The following SESN3 variants were observed in gnomAD, a reference collection of about 807,000 sequenced individuals.
The protein encoded by SESN3 is sestrin-3.
A neutral mutation model predicts 55.3 loss-of-function variants in SESN3; 21 were observed. The ratio of observed to expected loss-of-function variants is 0.38; its 90% CI spans 0.27 to 0.55. The LOEUF is 0.55. SESN3 is among the 20% of genes least tolerant of loss of function. The pLI, the probability that SESN3 is intolerant of heterozygous loss-of-function variation, is 0.76. For missense variants in SESN3, 408 were observed against 604.3 expected (o/e 0.68, Z 3.41); for synonymous variants, 181 against 203.1 (o/e 0.89, Z 0.93).
chr11:95,167,151 G>A lies in SESN3; in HGVS notation c.*6104C>T, dbSNP rs182595517. 8 of 152,216 alleles carry A rather than the reference G, an allele frequency of 5.3e-5. No individual in the cohort carries two copies. Among genetic ancestry groups the A allele is most frequent in the Admixed American group, 5.2e-4 (8 of 15,294 alleles). 9.4% of individuals were successfully genotyped at this position (152,216 alleles called of 1,614,324 possible). On this transcript the variant is annotated 3_prime_UTR_variant, in exon 10 of 10. Coordinates refer to ENST00000536441, the MANE Select transcript of SESN3 (RefSeq NM_144665.4). ...AGTTTTATTCTGTAAGTTTCATAAT[G>A]TATGCACTTAACTAATCAGGATTTG...
At chr11:95,176,863 C>A (rs1005105875) in intron 8 of SESN3, among the ~76,000 whole-genome samples, 3 of 152,048 alleles carry the variant, frequency 2.0e-5, no homozygotes, top group African/African-American at 7.2e-5. Context: ...CATTGTCTAG[C>A]ATGGTAAATG....
intron 1 of SESN3, among the ~76,000 whole-genome samples, chr11:95,200,328 C>T (rs568832752): frequency 1.3e-5 from 2 of 152,040 alleles, no homozygotes; most frequent in Non-Finnish European, 2.9e-5. Context: ...ATTCAGTTCC[C>T]ACTATCTCTA....
intron 1 of SESN3, among the ~76,000 whole-genome samples, chr11:95,205,197 G>A (rs953181827): frequency 1.3e-5 from 2 of 152,176 alleles, no homozygotes; most frequent in Non-Finnish European, 2.9e-5. Context: ...CAGGGAATAA[G>A]GCTAGAGACA....
chr11:95,197,519 A>C (rs1860384575), intron 1 of SESN3, among the ~76,000 whole-genome samples: 1 of 150,058 alleles, frequency 6.7e-6, no homozygotes, highest in Non-Finnish European at 1.5e-5. Flanking sequence ...ATCTCAGCTC[A>C]CTGCAACCTC....
At chr11:95,194,313 A>G (rs993749202) in intron 1 of SESN3, among the ~76,000 whole-genome samples, 4 of 152,022 alleles carry the variant, frequency 2.6e-5, no homozygotes, top group Non-Finnish European at 4.4e-5. Context: ...GGTCCTTACA[A>G]TCAAACAGCC....
intron 4 of SESN3, among the ~76,000 whole-genome samples, chr11:95,186,910 G>C (rs182584487): frequency 1.3e-4 from 20 of 151,508 alleles, no homozygotes; most frequent in African/African-American, 4.8e-4. Context: ...TATACTAAAT[G>C]GTTGCAATAT....
chr11:95,187,230 T>A (rs1315900845), intron 4 of SESN3, among the ~76,000 whole-genome samples: 1 of 151,930 alleles, frequency 6.6e-6, no homozygotes, highest in Non-Finnish European at 1.5e-5. Context: ...CATTTCCTAA[T>A]AGGATTTTTA....
intron 1 of SESN3, among the ~76,000 whole-genome samples, chr11:95,211,218 CGTT>C (rs1049395069): frequency 1.3e-5 from 2 of 152,216 alleles, no homozygotes; most frequent in Non-Finnish European, 2.9e-5. Context: ...CACTGCCCCT[CGTT>C]GTTCATTCTG....
intron 1 of SESN3, among the ~76,000 whole-genome samples, chr11:95,202,169 C>T (rs542264761): frequency 1.3e-5 from 2 of 152,130 alleles, no homozygotes; most frequent in Admixed American, 6.6e-5. Context: ...AGACTATAAG[C>T]TCCTTAAAGA....
At chr11:95,210,017 CAAAAA>C (rs71036380) in intron 1 of SESN3, among the ~76,000 whole-genome samples, 1 of 60,186 alleles carries the variant, frequency 1.7e-5, no homozygotes, top group Non-Finnish European at 3.0e-5. Flanking sequence ...AACTCCATCT[CAAAAA>C]AAAAAAAAAA....
intron 2 of SESN3, among the ~76,000 whole-genome samples, chr11:95,191,924 A>T (rs1644348988): frequency 6.6e-6 from 1 of 152,082 alleles, no homozygotes; most frequent in South Asian, 2.1e-4. Context: ...GGCCATTGTC[A>T]CACCAATGTG....
At position 95,168,564 on chromosome 11, in the gene SESN3, G is replaced by C. The variant is rs1032156545; in HGVS notation, c.*4691C>G. 1 of 152,186 alleles carries C rather than the reference G, an allele frequency of 6.6e-6. No individual in the cohort carries two copies. The highest frequency in any genetic ancestry group is 1.5e-5 in the Non-Finnish European group (1 of 68,042). 9.4% of individuals were successfully genotyped at this position (152,186 alleles called of 1,614,324 possible). ...ATAGGCTCTTTGGGGATGAGGTAGA[G>C]GAGAGCAAGATATTTCGGCAGCAGG... On this transcript the variant is annotated 3_prime_UTR_variant, in exon 10 of 10. Transcript: ENST00000536441.
intron 8 of SESN3, 30 bp from the exon 9 acceptor site, chr11:95,175,672 T>C (rs1274648028): frequency 1.3e-6 from 2 of 1,570,706 alleles, no homozygotes; most frequent in Non-Finnish European, 1.7e-6. Context: ...AGCTTTATAA[T>C]GACAAAATCA....
chr11:95,187,059 C>T (rs1173466051), intron 4 of SESN3, among the ~76,000 whole-genome samples: 1 of 151,840 alleles, frequency 6.6e-6, no homozygotes, highest in African/African-American at 2.4e-5. Flanking sequence ...CATTAGGCCA[C>T]AGTGCCATAT....
rs1860007935 is a variant in SESN3, at chr11:95,178,838, A to G, written c.938-10T>C. The G allele has an allele frequency of 2.8e-6, 4 of 1,439,972 alleles. No homozygotes were observed. The highest frequency in any genetic ancestry group is 3.9e-6 in the Non-Finnish European group (4 of 1,021,892). 89.2% of individuals were successfully genotyped at this position (1,439,972 alleles called of 1,614,324 possible). On this transcript the variant is annotated splice_polypyrimidine_tract_variant and intron_variant, in intron 6 of 9. Transcript: ENST00000536441. Reference sequence around the variant, plus strand: ...ATGTCATCCTCAAAATCTAAGGACAATAATGAACAATCTAGTGTTAAGGAT... The same window carrying G: ...ATGTCATCCTCAAAATCTAAGGACAGTAATGAACAATCTAGTGTTAAGGAT...
intron 1 of SESN3, among the ~76,000 whole-genome samples, chr11:95,215,556 C>T (rs1860736638): frequency 6.6e-6 from 1 of 152,120 alleles, no homozygotes; most frequent in Non-Finnish European, 1.5e-5. Flanking sequence ...TGGTGTACTG[C>T]TGAATTACAA....
chr11:95,214,111 C>G (rs1013801131), intron 1 of SESN3, among the ~76,000 whole-genome samples: 3 of 152,094 alleles, frequency 2.0e-5, no homozygotes, highest in Non-Finnish European at 2.9e-5. Context: ...GCCATGGAGA[C>G]AGTTCTATTT....
chr11:95,222,007 G>T (rs1211280090), intron 1 of SESN3, among the ~76,000 whole-genome samples: 1 of 152,228 alleles, frequency 6.6e-6, no homozygotes, highest in Non-Finnish European at 1.5e-5. Flanking sequence ...TTGTGAGGAA[G>T]TGGAAGACTG....
rs1000164822 is a variant in SESN3, at chr11:95,207,592, T to C, written c.79-14070A>G. ...TAAGCTAAATGCTTTAAAATTACTT[T>C]CCCATTATTTTGCTAGTTTAAAAAA... On this transcript the variant is annotated intron_variant, in intron 1 of 9. Transcript: ENST00000536441. Among the ~76,000 whole-genome samples the C allele has an allele frequency of 4.0e-5, 6 of 151,590 alleles. 1 individual carries two copies. The highest frequency in any genetic ancestry group is 7.4e-5 in the Non-Finnish European group (5 of 67,852).
Sources: allele counts gnomAD v4.1 joint callset (sites outside exome capture counted in the v4.1 genomes callset), GRCh38; gene constraint gnomAD v4.1.1; transcripts MANE v1.5; gene names NCBI Gene and HGNC (gene_info 2026-07-23, HGNC 2026-07-21).